Variants in CCL24 observed in about 807,000 individuals in gnomAD.
CCL24 encodes C-C motif chemokine ligand 24, also known as C-C motif chemokine 24.
In CCL24, 6 loss-of-function variants were observed where a neutral mutation model predicts 8.6. That is an observed-to-expected ratio of 0.70 (90% CI 0.38 to 1.38). The LOEUF is 1.38. Ranked by LOEUF, CCL24 falls within the 40% of genes most tolerant of loss-of-function variation. CCL24 has a pLI of 0.02. For synonymous variants in CCL24, 59 were observed against 52.7 expected, an observed-to-expected ratio of 1.12 and a Z score of -0.52; for missense variants, 126 against 147.1, an observed-to-expected ratio of 0.86 and a Z score of 0.74.
intron 2 of CCL24, 42 bp downstream of exon 2, chr7:75,813,264 C>A (rs781943477): frequency 9.7e-6 from 12 of 1,236,398 alleles, no homozygotes; most frequent in South Asian, 1.2e-5. Flanking sequence ...GTTGCACCTG[C>A]CCCCACCCCT....
At chr7:75,812,055 AC>A in intron 2 of CCL24, 91 bp from the exon 3 acceptor site, 1 of 1,039,776 alleles carries the variant, frequency 9.6e-7, no homozygotes, top group Non-Finnish European at 1.4e-6. Flanking sequence ...ACGCCCAGAG[AC>A]AGTAAGGCTT....
At chr7:75,814,347 T>C (rs978124644), upstream of CCL24, among the ~76,000 whole-genome samples, 5 of 152,012 alleles carry the variant, frequency 3.3e-5, no homozygotes, top group African/African-American at 1.2e-4. Context: ...GGGAGGATCA[T>C]TTGAGGCCAG....
chr7:75,820,392 A>G (rs1440462775), intron 1 of CCL24, among the ~76,000 whole-genome samples: 3 of 151,900 alleles, frequency 2.0e-5, no homozygotes, highest in African/African-American at 7.3e-5. Context: ...TGTTGGCCAG[A>G]CTGGTCTCGA....
upstream of CCL24, among the ~76,000 whole-genome samples, chr7:75,816,485 G>C (rs73144156): frequency 0.095 from 14,440 of 152,134 alleles, 980 homozygotes; most frequent in East Asian, 0.16. Context: ...AGAGCAATTA[G>C]GGAGGATTAA....
At chr7:75,819,876 G>A (rs781947258) in intron 1 of CCL24, among the ~76,000 whole-genome samples, 5 of 151,886 alleles carry the variant, frequency 3.3e-5, no homozygotes, top group Non-Finnish European at 5.9e-5. Context: ...ATGAGCCTGG[G>A]CAACTTGCTC....
At chr7:75,820,957 A>ATCCATCCC (rs1804038688) in intron 1 of CCL24, among the ~76,000 whole-genome samples, 1 of 151,850 alleles carries the variant, frequency 6.6e-6, no homozygotes, top group African/African-American at 2.4e-5. Flanking sequence ...CCATCCATCC[A>ATCCATCCC]TCCATCCCTC....
At chr7:75,818,601 C>A (rs138854296), upstream of CCL24, among the ~76,000 whole-genome samples, 1 of 148,500 alleles carries the variant, frequency 6.7e-6, no homozygotes. Flanking sequence ...CATGGCAAGA[C>A]CCGGACTCTT....
At chr7:75,816,654 G>A (rs1032692892), upstream of CCL24, among the ~76,000 whole-genome samples, 1 of 143,786 alleles carries the variant, frequency 7.0e-6, no homozygotes, top group Non-Finnish European at 1.5e-5. Context: ...CTCCACCTCC[G>A]AGGTTCAAGC....
chr7:75,813,898 C>T, upstream of CCL24: 1 of 521,486 alleles, frequency 1.9e-6, no homozygotes, highest in South Asian at 2.0e-5. Flanking sequence ...ATCCTGAGGC[C>T]TGTGGTCTGG....
chr7:75,821,356 C>T (rs1411174665), intron 1 of CCL24, among the ~76,000 whole-genome samples: 1 of 151,746 alleles, frequency 6.6e-6, no homozygotes, highest in African/African-American at 2.4e-5. Flanking sequence ...GGTGGGAAGC[C>T]TGTGGTAGGG....
upstream of CCL24, among the ~76,000 whole-genome samples, chr7:75,814,977 G>C (rs1458182066): frequency 6.6e-6 from 1 of 151,888 alleles, no homozygotes; most frequent in African/African-American, 2.4e-5. Context: ...TCCCTGCCAA[G>C]GGTCTGCTTT....
Position 75,820,015 on chromosome 7 carries a change from A to ACTTCTT in CCL24, c.-60+3306_-60+3307insAAGAAG, listed in dbSNP as rs1169565703. ...TTACGGATGTAAGGGCTTTTAGTAAACTACTTCTTCTTCTTCTTCTTCTTC... is the reference window on the plus strand; with the variant it reads ...TTACGGATGTAAGGGCTTTTAGTAAACTTCTTCTACTTCTTCTTCTTCTTCTTCTTC... On this transcript the variant is annotated intron_variant, in intron 1 of 3. Transcript: ENST00000416943. 5.0e-4 allele frequency among the ~76,000 whole-genome samples: 42 copies of ACTTCTT among 84,464 alleles called. 1 individual carries two copies. The highest frequency in any genetic ancestry group is 3.3e-3 in the South Asian group (8 of 2,456). 55.4% of individuals were successfully genotyped at this position (84,464 alleles called of 152,430 possible). A position where few individuals can be genotyped will look rare whatever the true frequency, so the allele number is the denominator to read the frequency against.
At chr7:75,821,922 C>A (rs1307717114) in intron 1 of CCL24, among the ~76,000 whole-genome samples, 1 of 140,294 alleles carries the variant, frequency 7.1e-6, no homozygotes, top group African/African-American at 2.7e-5. Flanking sequence ...AGCGAGACTC[C>A]GTCTCAAAAA....
chr7:75,822,429 A>T (rs1804069832), intron 1 of CCL24, among the ~76,000 whole-genome samples: 1 of 152,044 alleles, frequency 6.6e-6, no homozygotes, highest in South Asian at 2.1e-4. Flanking sequence ...TCAGTGAGGG[A>T]CTCCATGAAA....
At chr7:75,821,769 A>G (rs1804053228) in intron 1 of CCL24, among the ~76,000 whole-genome samples, 1 of 152,096 alleles carries the variant, frequency 6.6e-6, no homozygotes, top group Non-Finnish European at 1.5e-5. Context: ...TCTACTAAAA[A>G]TACAAAAAAT....
At chr7:75,821,575 C>T (rs782468522) in intron 1 of CCL24, among the ~76,000 whole-genome samples, 13 of 152,052 alleles carry the variant, frequency 8.5e-5, no homozygotes, top group Non-Finnish European at 1.9e-4. Context: ...GTGGGGCTTC[C>T]AGGGGTTCTG....
intron 1 of CCL24, 78 bp from the exon 2 acceptor site, chr7:75,813,501 C>T: frequency 2.3e-6 from 3 of 1,290,230 alleles, no homozygotes; most frequent in Non-Finnish European, 3.4e-6. Flanking sequence ...GGAGCTTGAA[C>T]CCTGCACCAA....
upstream of CCL24, among the ~76,000 whole-genome samples, chr7:75,817,985 C>T (rs988145356): frequency 2.6e-5 from 4 of 152,122 alleles, no homozygotes; most frequent in Admixed American, 2.0e-4. Flanking sequence ...TGCACACCAC[C>T]ATGCCTGGCT....
chr7:75,822,604 C>A (rs577028263), intron 1 of CCL24, among the ~76,000 whole-genome samples: 1 of 128,762 alleles, frequency 7.8e-6, no homozygotes, highest in East Asian at 3.1e-4. Flanking sequence ...GTGGCCTAGG[C>A]GGTGGATCAC....
Sources: gnomAD v4.1 joint callset for allele counts (sites outside exome capture counted in the v4.1 genomes callset) on GRCh38, gnomAD v4.1.1 for gene constraint, MANE v1.5 for transcripts, NCBI Gene and HGNC (gene_info 2026-07-23, HGNC 2026-07-21) for gene names.